Variants in ZNF791 observed in about 807,000 individuals in gnomAD.
ZNF791 encodes the protein zinc finger protein 791.
Under a neutral mutation model 11.5 loss-of-function variants are expected in ZNF791, and 4 were observed. The observed-to-expected ratio is 0.35, with a 90% CI of 0.17 to 0.80. ZNF791 has a LOEUF of 0.80. Ranked by LOEUF, ZNF791 falls within the 30% of genes least tolerant of loss-of-function variation. The probability of loss-of-function intolerance (pLI) is 0.53; values close to 1 mark genes in which losing one functional copy is unlikely to be tolerated. For synonymous variants in ZNF791, 212 were observed against 228.1 expected, an observed-to-expected ratio of 0.93 and a Z score of 0.64; for missense variants, 559 against 699.4, an observed-to-expected ratio of 0.80 and a Z score of 2.26.
In ZNF791 at chr19:12,622,390, T is replaced by TAA. The variant is rs372867409; in HGVS notation, c.4-1303_4-1302dup. On this transcript the variant is annotated intron_variant, in intron 1 of 3. Coordinates refer to ENST00000343325, the MANE Select transcript of ZNF791 (RefSeq NM_153358.3). ...AAAAAATAATAAATAAAAAAAATAA[T>TAA]AAAAAAAAGACTGTCTCAAACAAAA... Among the ~76,000 whole-genome samples, 14 of 106,194 alleles carry TAA rather than the reference T, an allele frequency of 1.3e-4. 1 individual carries two copies. The South Asian group carries it at 3.4e-3, about 25-fold the overall frequency. 69.7% of individuals were successfully genotyped at this position (106,194 alleles called of 152,430 possible). A position where few individuals can be genotyped will look rare whatever the true frequency, so the allele number is the denominator to read the frequency against.
intron 1 of ZNF791, among the ~76,000 whole-genome samples, chr19:12,620,767 T>TTTC (rs961986171): frequency 7.1e-6 from 1 of 141,014 alleles, no homozygotes; most frequent in Non-Finnish European, 1.5e-5. Context: ...TTTTTTTTTT[T>TTTC]TTTTTTTTTT....
Position 12,612,163 on chromosome 19 carries a change from A to G in ZNF791, c.3+1081A>G, listed in dbSNP as rs930985955. 15 of 907,452 alleles carry G rather than the reference A, an allele frequency of 1.7e-5. No homozygotes were observed. In the South Asian group the frequency reaches 7.7e-4, roughly 46 times the overall value. The allele number at this position is 907,452 out of a possible 1,614,324, so 56.2% of individuals were successfully genotyped here. A position where few individuals can be genotyped will look rare whatever the true frequency, so the allele number is the denominator to read the frequency against. On this transcript the variant is annotated intron_variant, in intron 1 of 3. Coordinates refer to ENST00000343325, the MANE Select transcript of ZNF791 (RefSeq NM_153358.3). ...TCAGATAGAAGTAATACTTTTGTAA[A>G]CTATTTATTGCCATGGAAATAATTA...
chr19:12,611,117 C>T, intron 1 of ZNF791, 35 bp downstream of exon 1: 5 of 1,613,122 alleles, frequency 3.1e-6, no homozygotes, highest in Non-Finnish European at 4.2e-6. Flanking sequence ...TGGAACCGGC[C>T]GTGATCGCGG....
intron 3 of ZNF791, among the ~76,000 whole-genome samples, chr19:12,625,474 T>C (rs2023412080): frequency 6.6e-6 from 1 of 151,882 alleles, no homozygotes; most frequent in Non-Finnish European, 1.5e-5. Flanking sequence ...GTGACACAGA[T>C]GTCCACTGGC....
chr19:12,618,807 CAG>C (rs1491266311), intron 1 of ZNF791, among the ~76,000 whole-genome samples: 4 of 79,224 alleles, frequency 5.0e-5, no homozygotes, highest in African/African-American at 2.1e-4. Context: ...GTTTACCTCT[CAG>C]TGTGTGTGTG....
rs556215743 is a variant in ZNF791 at position 12,618,436 on chromosome 19, G to A, written c.4-5264G>A. Reference sequence around the variant, plus strand: ...TGAGGCGGGAAGATTGCTTGAGCCCGGGAAGTCGAGGCTGCTGTGAGCCGT... The same window carrying A: ...TGAGGCGGGAAGATTGCTTGAGCCCAGGAAGTCGAGGCTGCTGTGAGCCGT... On this transcript the variant is annotated intron_variant, in intron 1 of 3. Transcript: ENST00000343325. 5.3e-5 allele frequency among the ~76,000 whole-genome samples: 8 copies of A among 152,104 alleles called. No individual in the cohort carries two copies. In the South Asian group the frequency reaches 1.0e-3, roughly 20 times the overall value.
intron 1 of ZNF791, among the ~76,000 whole-genome samples, chr19:12,618,297 C>T (rs935010742): frequency 3.9e-5 from 6 of 152,012 alleles, no homozygotes; most frequent in Non-Finnish European, 7.4e-5. Context: ...AATGGAATTA[C>T]ACTTAAAGGG....
Position 12,623,871 on chromosome 19 carries a change from G to GGGC in ZNF791, c.130+47_130+48insCGG, listed in dbSNP as rs1555703481. ...TTCTTTTTTCTTTTTTTTTTTTTTTGGGGGGGGACAGAGTTTCACTATTGT... is the reference window on the plus strand; with the variant it reads ...TTCTTTTTTCTTTTTTTTTTTTTTTGGGCGGGGGGGACAGAGTTTCACTATTGT... On this transcript the variant is annotated intron_variant, in intron 2 of 3. Coordinates refer to ENST00000343325, the MANE Select transcript of ZNF791 (RefSeq NM_153358.3). The GGGC allele has an allele frequency of 4.1e-4, 335 of 811,986 alleles. 68 individuals are homozygous for GGGC. Among genetic ancestry groups the GGGC allele is most frequent in the Non-Finnish European group, 5.7e-4 (322 of 569,764 alleles). 50.3% of individuals were successfully genotyped at this position (811,986 alleles called of 1,614,324 possible).
At position 12,628,262 on chromosome 19, in the gene ZNF791, G is replaced by A. The variant is rs766863572; in HGVS notation, c.733G>A (p.Ala245Thr). Residue 245 changes from alanine (A) to threonine (T), a missense_variant, in exon 4 of 4, where the codon GCA becomes ACA. Ala to Thr is a moderately conservative substitution (Grantham distance 58). Coordinates refer to ENST00000343325, the MANE Select transcript of ZNF791 (RefSeq NM_153358.3). ...ERTHTGEKPY[A>T]CKECGKAFIS... ...AACTCACACTGGAGAGAAACCCTAT[G>A]CATGTAAGGAATGTGGGAAAGCCTT... 7.4e-6 allele frequency: 12 copies of A among 1,612,752 alleles called. No individual in the cohort carries two copies. In the Admixed American group the frequency reaches 1.8e-4, roughly 25 times the overall value.
At chr19:12,619,521 C>A (rs1174443913) in intron 1 of ZNF791, among the ~76,000 whole-genome samples, 12 of 144,244 alleles carry the variant, frequency 8.3e-5, no homozygotes, top group Non-Finnish European at 1.6e-4. Flanking sequence ...GCGATCTGGG[C>A]TCACTGCAAG....
intron 3 of ZNF791, among the ~76,000 whole-genome samples, chr19:12,627,474 A>C (rs535277061): frequency 2.0e-4 from 30 of 151,944 alleles, no homozygotes; most frequent in African/African-American, 7.0e-4. Flanking sequence ...TAAAAATACA[A>C]AATTAGCTGG....
rs142820207 is a variant in ZNF791, at chr19:12,623,710, C to G, written c.14C>G (p.Ala5Gly). 30 of 1,613,952 alleles carry G rather than the reference C, an allele frequency of 1.9e-5. No homozygotes were observed. The African/African-American group carries it at 3.9e-4, about 21-fold the overall frequency. MDSV[A>G]FEDVSVSFSQ... Reference sequence around the variant, plus strand: ...TATTGGATGTTTCAGGACTCAGTGGCTTTTGAGGATGTGTCTGTGAGCTTC... The same window carrying G: ...TATTGGATGTTTCAGGACTCAGTGGGTTTTGAGGATGTGTCTGTGAGCTTC... The change falls in exon 2 of 4, where the codon GCT becomes GGT. Residue 5 changes from alanine (A) to glycine (G), a missense_variant. By Grantham distance (60) the Ala-to-Gly change is moderately conservative (BLOSUM62 0). Transcript: ENST00000343325.
chr19:12,624,988 TGCAGCG>T (rs1337238203), intron 3 of ZNF791, among the ~76,000 whole-genome samples: 1 of 151,466 alleles, frequency 6.6e-6, no homozygotes, highest in Admixed American at 6.6e-5. Flanking sequence ...AGGCAGAGGT[TGCAGCG>T]AGCCGAGATC....
intron 3 of ZNF791, among the ~76,000 whole-genome samples, chr19:12,626,242 C>T (rs1399757891): frequency 1.3e-5 from 2 of 152,078 alleles, no homozygotes; most frequent in Non-Finnish European, 2.9e-5. Flanking sequence ...GTCACGATCT[C>T]CTGACCTCGT....
intron 1 of ZNF791, among the ~76,000 whole-genome samples, chr19:12,617,389 G>T (rs561445406): frequency 3.9e-5 from 6 of 152,096 alleles, no homozygotes; most frequent in Non-Finnish European, 8.8e-5. Context: ...CCCCCAGAGT[G>T]CTGGGATTAC....
In ZNF791 at chr19:12,630,293, A is replaced by G. The variant is rs1200212040; in HGVS notation, c.*1033A>G. 6.6e-6 allele frequency: 1 copy of G among 152,110 alleles called. No homozygotes were observed. Among genetic ancestry groups the G allele is most frequent in the Non-Finnish European group, 1.5e-5 (1 of 68,040 alleles). The allele number at this position is 152,110 out of a possible 1,614,324, so 9.4% of individuals were successfully genotyped here. A position where few individuals can be genotyped will look rare whatever the true frequency, so the allele number is the denominator to read the frequency against. On this transcript the variant is annotated 3_prime_UTR_variant, in exon 4 of 4. Coordinates refer to ENST00000343325, the MANE Select transcript of ZNF791 (RefSeq NM_153358.3). ...GTCAACATGATGAAACCCTGTCTCC[A>G]TTAGAAATACGAAAATTAGCTGGGC...
In ZNF791 at chr19:12,629,486, C is replaced by A; in HGVS notation, c.*226C>A. 2.8e-6 allele frequency: 1 copy of A among 361,734 alleles called. No homozygotes were observed. Among genetic ancestry groups the A allele is most frequent in the Non-Finnish European group, 4.9e-6 (1 of 202,078 alleles). 22.4% of individuals were successfully genotyped at this position (361,734 alleles called of 1,614,324 possible). A position where few individuals can be genotyped will look rare whatever the true frequency, so the allele number is the denominator to read the frequency against. The stretch of plus-strand genomic sequence containing the variant: ...AGATTATATAACACCTAAAACATTT[C>A]TATCAACCGCAATTTAGTAGCAGTA... On this transcript the variant is annotated 3_prime_UTR_variant, in exon 4 of 4. Transcript: ENST00000343325.
chr19:12,617,486 C>G (rs1216399974), intron 1 of ZNF791, among the ~76,000 whole-genome samples: 12 of 151,968 alleles, frequency 7.9e-5, no homozygotes. Context: ...GTTTTATTTC[C>G]AAATATTTGA....
intron 3 of ZNF791, among the ~76,000 whole-genome samples, chr19:12,625,474 T>A (rs2023412080): frequency 6.6e-6 from 1 of 151,882 alleles, no homozygotes; most frequent in Non-Finnish European, 1.5e-5. Context: ...GTGACACAGA[T>A]GTCCACTGGC....
Sources: gnomAD v4.1 joint callset for allele counts (sites outside exome capture counted in the v4.1 genomes callset) on GRCh38, gnomAD v4.1.1 for gene constraint, MANE v1.5 for transcripts, NCBI Gene and HGNC (gene_info 2026-07-23, HGNC 2026-07-21) for gene names.